Variants in GATB observed in about 807,000 individuals in gnomAD.
The protein encoded by GATB is glutamyl-tRNA amidotransferase subunit B.
In GATB, 39 loss-of-function variants were observed where a neutral mutation model predicts 62.3. The ratio of observed to expected loss-of-function variants is 0.63; its 90% CI spans 0.48 to 0.82. The LOEUF (loss-of-function observed/expected upper bound fraction) is 0.82. GATB is among the 40% of genes least tolerant of loss of function. GATB has a pLI of 0.00. For synonymous variants in GATB, 276 were observed against 258.9 expected (o/e 1.07, Z -0.63); for missense variants, 670 against 684.0 (o/e 0.98, Z 0.23).
rs182307253 is a variant in GATB, at chr4:151,746,740, G to T, written c.327+12032C>A. The stretch of plus-strand genomic sequence containing the variant: ...ATCCTAAAAAACATTCAGAATAAGG[G>T]TTACTAATCAGAACGGGGAGGGGGT... On this transcript the variant is annotated intron_variant, in intron 2 of 12. Coordinates refer to ENST00000263985, the MANE Select transcript of GATB (RefSeq NM_004564.3). Among the ~76,000 whole-genome samples the T allele has an allele frequency of 2.5e-4, 38 of 152,282 alleles. No individual in the cohort carries two copies. The East Asian group carries it at 7.3e-3, about 29-fold the overall frequency.
Position 151,760,993 on chromosome 4 carries a change from G to C in GATB, c.-11C>G, listed in dbSNP as rs762207888. On this transcript the variant is annotated 5_prime_UTR_variant, in exon 1 of 13. Transcript: ENST00000263985. ...CATGGGCGCCGCCATTGTAACTCCAGGGTCTTGGTCAGGTGACTCAGCCTC... is the reference window on the plus strand; with the variant it reads ...CATGGGCGCCGCCATTGTAACTCCACGGTCTTGGTCAGGTGACTCAGCCTC... 6.2e-7 allele frequency: 1 copy of C among 1,608,222 alleles called. No homozygotes were observed. The highest frequency in any genetic ancestry group is 2.2e-5 in the East Asian group (1 of 44,794).
rs1737982714 is a variant in GATB at position 151,675,564 on chromosome 4, G to A, written c.1411-2668C>T. The A allele has an allele frequency of 3.9e-5, 6 of 152,326 alleles. No individual in the cohort carries two copies. In the South Asian group the frequency reaches 1.2e-3, roughly 32 times the overall value. 9.4% of individuals were successfully genotyped at this position (152,326 alleles called of 1,614,324 possible). ...TCCTGGCCCTCTTGACGCTCACAGA[G>A]TGGCCTCTGTGGCTGCCGAGCCCTG... On this transcript the variant is annotated intron_variant, in intron 11 of 12. Coordinates refer to ENST00000263985, the MANE Select transcript of GATB (RefSeq NM_004564.3).
At position 151,730,619 on chromosome 4, in the gene GATB, T is replaced by C. The variant is rs935849595; in HGVS notation, c.328-11081A>G. Among the ~76,000 whole-genome samples, 1 of 152,210 alleles carries C rather than the reference T, an allele frequency of 6.6e-6. No individual in the cohort carries two copies. Among genetic ancestry groups the C allele is most frequent in the Non-Finnish European group, 1.5e-5 (1 of 68,026 alleles). On this transcript the variant is annotated intron_variant, in intron 2 of 12. Transcript: ENST00000263985. The surrounding 1 kb of genome is among the most constrained non-coding windows in gnomAD (Gnocchi z 4.1). ...AGGACTCTGTGCAGACAGCCCCCAGTGCCAGCCTGGAGCCACGAAGACTCA... is the reference window on the plus strand; with the variant it reads ...AGGACTCTGTGCAGACAGCCCCCAGCGCCAGCCTGGAGCCACGAAGACTCA...
chr4:151,699,324 G>T (rs1340136603), intron 9 of GATB, among the ~76,000 whole-genome samples: 1 of 151,734 alleles, frequency 6.6e-6, no homozygotes, highest in Non-Finnish European at 1.5e-5. Flanking sequence ...GGGAGGCAGA[G>T]GTTGCAGTGA....
chr4:151,717,965 G>A (rs1032888773), intron 3 of GATB, among the ~76,000 whole-genome samples: 12 of 150,308 alleles, frequency 8.0e-5, no homozygotes, highest in African/African-American at 2.8e-4. Context: ...GAGCTAGTGA[G>A]CATCAATGTC....
chr4:151,708,162 G>A, intron 5 of GATB, 61 bp from the exon 6 acceptor site: 2 of 1,116,320 alleles, frequency 1.8e-6, no homozygotes, highest in Non-Finnish European at 2.7e-6. Flanking sequence ...GTCTTTTAAA[G>A]GCAGGGAGTG....
intron 5 of GATB, among the ~76,000 whole-genome samples, chr4:151,714,278 G>A (rs1169860740): frequency 6.6e-6 from 1 of 152,238 alleles, no homozygotes; most frequent in Middle Eastern, 3.2e-3. Context: ...CTAGTCTTCA[G>A]TGTCACCTCT....
intron 6 of GATB, among the ~76,000 whole-genome samples, chr4:151,706,438 G>A (rs990534970): frequency 1.3e-5 from 2 of 152,182 alleles, no homozygotes; most frequent in Admixed American, 1.3e-4. Context: ...TACAGGGGGA[G>A]GTGGAACTTC....
At chr4:151,760,649 T>A (rs1355286140) in intron 1 of GATB, among the ~76,000 whole-genome samples, 158 bp downstream of exon 1, 1 of 152,216 alleles carries the variant, frequency 6.6e-6, no homozygotes, top group East Asian at 1.9e-4. Context: ...ATAGAAAGTC[T>A]GTTTGTGCTT....
At chr4:151,703,948 CTA>C in intron 7 of GATB, 53 bp from the exon 8 acceptor site, 1 of 1,322,668 alleles carries the variant, frequency 7.6e-7, no homozygotes, top group Non-Finnish European at 1.1e-6. Context: ...ACTGGCCAGC[CTA>C]TATGTGGGGA....
intron 5 of GATB, among the ~76,000 whole-genome samples, chr4:151,712,488 C>A (rs1738837171): frequency 6.6e-6 from 1 of 152,130 alleles, no homozygotes; most frequent in Admixed American, 6.5e-5. Context: ...TGATAAAGTG[C>A]AGTTTCATAT....
At chr4:151,733,633 C>A (rs538417171) in intron 2 of GATB, among the ~76,000 whole-genome samples, 1 of 152,102 alleles carries the variant, frequency 6.6e-6, no homozygotes, top group East Asian at 1.9e-4. Context: ...CACCCTAATA[C>A]CAAAATCAGG....
intron 2 of GATB, among the ~76,000 whole-genome samples, chr4:151,750,418 GCTATGTGACAATCCTTC>G (rs138097189): frequency 0.013 from 2,007 of 152,158 alleles, 42 homozygotes; most frequent in African/African-American, 0.046. Flanking sequence ...CTGGCCATTT[GCTATGTGACAATCCTTC>G]CTTAATCTGG....
intron 2 of GATB, among the ~76,000 whole-genome samples, chr4:151,744,225 T>TTA (rs1739551818): frequency 6.6e-6 from 1 of 152,234 alleles, no homozygotes; most frequent in Admixed American, 6.5e-5. Context: ...GAAAATCCTT[T>TTA]TATATGGATG....
chr4:151,671,752 T>TATC (rs1553965369), intron 12 of GATB, among the ~76,000 whole-genome samples: 4 of 133,084 alleles, frequency 3.0e-5, no homozygotes, highest in Non-Finnish European at 1.7e-5. Flanking sequence ...AAGATTCCTT[T>TATC]ATCAGAAAGC....
chr4:151,722,879 T>C (rs1031526375), intron 2 of GATB: 9 of 152,326 alleles, frequency 5.9e-5, no homozygotes, highest in African/African-American at 2.2e-4. Flanking sequence ...GAGGCAGTGA[T>C]GCCCCAGTCT....
intron 11 of GATB, among the ~76,000 whole-genome samples, chr4:151,678,054 T>C (rs1282160923): frequency 3.3e-5 from 5 of 152,024 alleles, no homozygotes; most frequent in African/African-American, 1.2e-4. Context: ...GATCAACATA[T>C]ATTACTTTCC....
intron 2 of GATB, among the ~76,000 whole-genome samples, chr4:151,744,642 G>C (rs1739560268): frequency 6.6e-6 from 1 of 152,104 alleles, no homozygotes; most frequent in African/African-American, 2.4e-5. Flanking sequence ...TAGGTTTCAG[G>C]TGGGGAATAT....
chr4:151,709,459 GT>G (rs1738776129), intron 5 of GATB, among the ~76,000 whole-genome samples: 1 of 152,154 alleles, frequency 6.6e-6, no homozygotes, highest in Non-Finnish European at 1.5e-5. Flanking sequence ...CAAGTTGTGT[GT>G]ATCTGCATCT....
Sources: allele counts gnomAD v4.1 joint callset (sites outside exome capture counted in the v4.1 genomes callset), GRCh38; gene constraint gnomAD v4.1.1; non-coding constraint Gnocchi (gnomAD v3.1); transcripts MANE v1.5; gene names NCBI Gene and HGNC (gene_info 2026-07-23, HGNC 2026-07-21).